MAF: variants seen among roughly 807,000 people sequenced by gnomAD.
MAF encodes MAF bZIP transcription factor.
MAF carries 10 observed loss-of-function variants against 22.0 expected under a neutral mutation model. That is an observed-to-expected ratio of 0.45 (90% CI 0.28 to 0.77). MAF has a LOEUF of 0.77. MAF is among the 30% of genes least tolerant of loss of function. The pLI is 0.12. For missense variants in MAF, 544 were observed against 548.4 expected, an observed-to-expected ratio of 0.99 and a Z score of 0.08; for synonymous variants, 337 against 255.8, an observed-to-expected ratio of 1.32 and a Z score of -3.03.
chr16:79,375,502 A>G, the MAF span, among the ~76,000 whole-genome samples: 1 of 152,120 alleles, frequency 6.6e-6, no homozygotes, highest in East Asian at 1.9e-4. Flanking sequence ...AATGATGGTG[A>G]TGATGATGAT....
At chr16:79,571,263 T>C in the MAF span, among the ~76,000 whole-genome samples, 28 of 152,246 alleles carry the variant, frequency 1.8e-4, no homozygotes, top group African/African-American at 5.8e-4. Flanking sequence ...GTCTAAGAAC[T>C]TGAAGAATCA....
the MAF span, among the ~76,000 whole-genome samples, chr16:79,556,335 C>T: frequency 3.1e-4 from 47 of 152,266 alleles, 2 homozygotes; most frequent in South Asian, 3.7e-3. Flanking sequence ...CAGCTTTTAC[C>T]ACTTAGCTCA....
At chr16:79,293,832 A>G in the MAF span, among the ~76,000 whole-genome samples, 1 of 134,234 alleles carries the variant, frequency 7.4e-6, no homozygotes, top group Non-Finnish European at 1.5e-5. Flanking sequence ...TGGCTTCTAA[A>G]TGAAAAGAGA....
the MAF span, among the ~76,000 whole-genome samples, chr16:79,402,466 T>C: frequency 2.0e-5 from 3 of 152,134 alleles, no homozygotes; most frequent in African/African-American, 7.2e-5. Context: ...CCTCTCACAC[T>C]TCCAGGCCCA....
chr16:79,478,992 T>G, the MAF span, among the ~76,000 whole-genome samples: 1 of 151,874 alleles, frequency 6.6e-6, no homozygotes, highest in Non-Finnish European at 1.5e-5. Context: ...AGCATACCTG[T>G]ATAGCATCCT....
At chr16:79,236,629 A>G in the MAF span, among the ~76,000 whole-genome samples, 3 of 151,958 alleles carry the variant, frequency 2.0e-5, no homozygotes, top group African/African-American at 4.8e-5. Context: ...ATTAGGGAAT[A>G]CTCTTGTTGA....
At chr16:79,437,146 C>CTGTG in the MAF span, among the ~76,000 whole-genome samples, 1 of 99,138 alleles carries the variant, frequency 1.0e-5, no homozygotes, top group African/African-American at 3.2e-5. Flanking sequence ...CTCTCTCTCT[C>CTGTG]TGTGTGTGTG....
the MAF span, among the ~76,000 whole-genome samples, chr16:79,289,645 C>A: frequency 1.3e-5 from 2 of 152,068 alleles, no homozygotes; most frequent in Non-Finnish European, 2.9e-5. Context: ...ATCATGACAG[C>A]TTTGCAAAGC....
At chr16:79,215,817 G>A in the MAF span, among the ~76,000 whole-genome samples, 3 of 152,252 alleles carry the variant, frequency 2.0e-5, no homozygotes, top group African/African-American at 7.2e-5. Context: ...TGGGTCTGTA[G>A]GAGTCCTCAC....
chr16:79,492,711 C>T, the MAF span, among the ~76,000 whole-genome samples: 19 of 152,252 alleles, frequency 1.2e-4, no homozygotes, highest in Non-Finnish European at 2.4e-4. Flanking sequence ...ACAACTATTG[C>T]TATATGCAAC....
chr16:79,439,440 T>G, the MAF span, among the ~76,000 whole-genome samples: 1 of 151,826 alleles, frequency 6.6e-6, no homozygotes, highest in South Asian at 2.1e-4. Flanking sequence ...TTTTGTATTT[T>G]TAGTACAGAC....
chr16:79,292,942 G>A, the MAF span, among the ~76,000 whole-genome samples: 2 of 152,036 alleles, frequency 1.3e-5, no homozygotes, highest in Non-Finnish European at 2.9e-5. Context: ...GGTCTAAAAG[G>A]GTAGGAACCC....
the MAF span, among the ~76,000 whole-genome samples, chr16:79,219,224 G>T: frequency 4.6e-5 from 7 of 152,266 alleles, no homozygotes; most frequent in East Asian, 1.4e-3. Context: ...GATTTTATCT[G>T]ATGTTCACCA....
the MAF span, among the ~76,000 whole-genome samples, chr16:79,382,290 A>G: frequency 6.6e-6 from 1 of 152,238 alleles, no homozygotes; most frequent in Admixed American, 6.5e-5. Context: ...CCACCATGCA[A>G]AACTAAAATT....
chr16:79,494,262 G>T, the MAF span, among the ~76,000 whole-genome samples: 2 of 152,162 alleles, frequency 1.3e-5, no homozygotes, highest in Non-Finnish European at 2.9e-5. Flanking sequence ...GTTTCTTCCT[G>T]GAGGCACTGG....
the MAF span, among the ~76,000 whole-genome samples, chr16:79,478,014 C>T: frequency 4.6e-5 from 7 of 152,282 alleles, no homozygotes; most frequent in Admixed American, 3.9e-4. Flanking sequence ...AGCCACTGCG[C>T]CTGGCCGTGA....
At chr16:79,493,381 T>C in the MAF span, among the ~76,000 whole-genome samples, 18,258 of 152,052 alleles carry the variant, frequency 0.12, 2,303 homozygotes, top group African/African-American at 0.32. Flanking sequence ...GGGGTTTCAC[T>C]ATCTTGGCCA....
the MAF span, among the ~76,000 whole-genome samples, chr16:79,511,163 G>A: frequency 1.2e-3 from 188 of 152,058 alleles, no homozygotes; most frequent in African/African-American, 4.4e-3. Context: ...TGTATGAATT[G>A]CCTTATTTAC....
At chr16:79,444,663 G>C in the MAF span, among the ~76,000 whole-genome samples, 1 of 152,226 alleles carries the variant, frequency 6.6e-6, no homozygotes, top group Non-Finnish European at 1.5e-5. Flanking sequence ...GAAATGCTGA[G>C]ACAGAGGCCT....
Sources: allele counts gnomAD v4.1 joint callset (sites outside exome capture counted in the v4.1 genomes callset), GRCh38; gene constraint gnomAD v4.1.1; transcripts MANE v1.5; gene names NCBI Gene and HGNC (gene_info 2026-07-23, HGNC 2026-07-21).